KLF12: variants seen among roughly 807,000 people sequenced by gnomAD.
The protein encoded by KLF12 is Krueppel-like factor 12.
A neutral mutation model predicts 37.8 loss-of-function variants in KLF12; 9 were observed. The observed-to-expected ratio is 0.24, with a 90% CI of 0.14 to 0.42. The LOEUF is 0.42. Among genes scored for constraint, KLF12 ranks in the 10% least tolerant of loss-of-function variants. The probability of loss-of-function intolerance (pLI) is 1.00; values close to 1 mark genes in which losing one functional copy is unlikely to be tolerated. For missense variants in KLF12, 411 were observed against 516.0 expected (o/e 0.80, Z 1.97); for synonymous variants, 208 against 202.1 (o/e 1.03, Z -0.25).
intron 1 of KLF12, among the ~76,000 whole-genome samples, chr13:74,082,886 A>G (rs1874999498): frequency 6.6e-6 from 1 of 152,230 alleles, no homozygotes; most frequent in African/African-American, 2.4e-5. Context: ...GAGTTAGGTT[A>G]GTTAAAAATT....
intron 2 of KLF12, among the ~76,000 whole-genome samples, chr13:73,944,638 T>C (rs1246353171): frequency 1.3e-5 from 2 of 152,252 alleles, no homozygotes; most frequent in East Asian, 1.9e-4. Context: ...AAATCTTAGA[T>C]TAAGAGTGAA....
At chr13:74,245,616 C>G in the KLF12 span, among the ~76,000 whole-genome samples, 1 of 151,990 alleles carries the variant, frequency 6.6e-6, no homozygotes, top group South Asian at 2.1e-4. Context: ...GCTCTGAGAA[C>G]CTTGTTTTAT....
chr13:73,773,576 T>C lies in KLF12; in HGVS notation c.807-8576A>G, dbSNP rs1880403159. On this transcript the variant is annotated intron_variant, in intron 5 of 7. Transcript: ENST00000377669. ...GATGGCTATGACACTATGTCCATTA[T>C]ATCTGTGTTCCATTTCCACAGTTAC... is the stretch of plus-strand genomic sequence containing the variant. Among the ~76,000 whole-genome samples, 3 of 125,962 alleles carry C rather than the reference T, an allele frequency of 2.4e-5. No homozygotes were observed. In the South Asian group the frequency reaches 7.7e-4, roughly 32 times the overall value. The allele number at this position is 125,962 out of a possible 152,430, so 82.6% of individuals were successfully genotyped here.
intron 1 of KLF12, among the ~76,000 whole-genome samples, chr13:74,022,585 C>G (rs1271487581): frequency 6.6e-6 from 1 of 151,824 alleles, no homozygotes; most frequent in African/African-American, 2.4e-5. Flanking sequence ...CACTTTCATT[C>G]TCATTTCCTT....
upstream of KLF12, among the ~76,000 whole-genome samples, chr13:74,136,982 A>G (rs946364583): frequency 1.3e-5 from 2 of 152,218 alleles, no homozygotes; most frequent in African/African-American, 4.8e-5. Context: ...CATTTGAAAT[A>G]ATACAAAGCA....
chr13:74,053,624 A>G (rs1202441118), intron 1 of KLF12, among the ~76,000 whole-genome samples: 2 of 152,222 alleles, frequency 1.3e-5, no homozygotes, highest in South Asian at 2.1e-4. Flanking sequence ...ACTGGCTTCC[A>G]TAATAGCCAG....
At chr13:74,192,037 A>G in the KLF12 span, among the ~76,000 whole-genome samples, 3 of 152,138 alleles carry the variant, frequency 2.0e-5, no homozygotes, top group African/African-American at 7.2e-5. Flanking sequence ...ATACCTCAAC[A>G]GTCACATTCA....
the KLF12 span, among the ~76,000 whole-genome samples, chr13:74,284,146 C>T: frequency 4.3e-4 from 65 of 152,228 alleles, no homozygotes; most frequent in Non-Finnish European, 7.5e-4. Flanking sequence ...CATGAGCCAC[C>T]ATGCCCGGCC....
intron 3 of KLF12, among the ~76,000 whole-genome samples, chr13:73,860,339 G>C (rs575873971): frequency 6.6e-6 from 1 of 152,098 alleles, no homozygotes; most frequent in Non-Finnish European, 1.5e-5. Context: ...TTCTTTTGTA[G>C]ACAAGCACCT....
chr13:74,285,822 G>A, the KLF12 span, among the ~76,000 whole-genome samples: 7 of 152,248 alleles, frequency 4.6e-5, no homozygotes, highest in African/African-American at 1.7e-4. Flanking sequence ...ACCTAATCAT[G>A]CTTTGTAACA....
intron 4 of KLF12, among the ~76,000 whole-genome samples, chr13:73,816,584 C>T (rs1490741929): frequency 6.6e-6 from 1 of 152,190 alleles, no homozygotes; most frequent in African/African-American, 2.4e-5. Flanking sequence ...TTTTCAAATA[C>T]TCTCCTATGG....
At position 73,814,256 on chromosome 13, in the gene KLF12, C is replaced by CGG. The variant is rs1883096024; in HGVS notation, c.671-971_671-970dup. On this transcript the variant is annotated intron_variant, in intron 4 of 7. Coordinates refer to ENST00000377669, the MANE Select transcript of KLF12 (RefSeq NM_007249.5). ...AGATTTCTAAAACCACCACTGCTTG[C>CGG]GGGGGAAGGCAAAATGCAGGTGAAA... Among the ~76,000 whole-genome samples the CGG allele has an allele frequency of 2.0e-5, 3 of 152,098 alleles. No homozygotes were observed. The South Asian group carries it at 6.2e-4, about 32-fold the overall frequency.
the KLF12 span, among the ~76,000 whole-genome samples, chr13:74,288,945 C>T: frequency 6.6e-6 from 1 of 152,200 alleles, no homozygotes; most frequent in Non-Finnish European, 1.5e-5. Context: ...ATTATTTATT[C>T]ACTTTAAGGA....
At chr13:74,223,129 C>T in the KLF12 span, among the ~76,000 whole-genome samples, 3 of 152,138 alleles carry the variant, frequency 2.0e-5, no homozygotes, top group African/African-American at 4.8e-5. Flanking sequence ...TTCAAAATGG[C>T]TTAATTTAGT....
At chr13:74,137,140 C>T (rs1255098224), upstream of KLF12, among the ~76,000 whole-genome samples, 2 of 152,202 alleles carry the variant, frequency 1.3e-5, no homozygotes, top group African/African-American at 4.8e-5. Context: ...GGGAAAAGTA[C>T]ACTACCTTGG....
chr13:73,920,560 G>A (rs1399859763), intron 3 of KLF12, among the ~76,000 whole-genome samples: 4 of 152,048 alleles, frequency 2.6e-5, no homozygotes, highest in African/African-American at 9.7e-5. Flanking sequence ...CATCCCTCCT[G>A]TCCACAGAAT....
the KLF12 span, among the ~76,000 whole-genome samples, chr13:74,140,164 CAG>C: frequency 1.3e-5 from 2 of 151,990 alleles, no homozygotes; most frequent in African/African-American, 2.4e-5. Flanking sequence ...GTTACTGAAA[CAG>C]AGAATATGAG....
the KLF12 span, among the ~76,000 whole-genome samples, chr13:74,240,258 G>C: frequency 2.1e-5 from 3 of 145,386 alleles, no homozygotes; most frequent in East Asian, 6.0e-4. Flanking sequence ...CTTTAAGAAT[G>C]TTGAATATTG....
chr13:73,984,087 G>C (rs1044796515), intron 2 of KLF12, among the ~76,000 whole-genome samples: 1 of 152,168 alleles, frequency 6.6e-6, no homozygotes, highest in Non-Finnish European at 1.5e-5. Context: ...TCCTCTATAA[G>C]ATCCTCGGGT....
Sources: gnomAD v4.1 joint callset for allele counts (sites outside exome capture counted in the v4.1 genomes callset) on GRCh38, gnomAD v4.1.1 for gene constraint, MANE v1.5 for transcripts, NCBI Gene and HGNC (gene_info 2026-07-23, HGNC 2026-07-21) for gene names.